GIMD1: variants seen among roughly 807,000 people sequenced by gnomAD.
GIMD1 encodes the protein GIMAP family P-loop NTPase domain containing 1.
In GIMD1, 14 loss-of-function variants were observed where a neutral mutation model predicts 14.9. That is an observed-to-expected ratio of 0.94 (90% confidence interval 0.62 to 1.47). The LOEUF is 1.47. Ranked by LOEUF, GIMD1 falls within the 40% of genes most tolerant of loss-of-function variation. The probability of loss-of-function intolerance (pLI) is 0.00; values close to 1 mark genes in which losing one functional copy is unlikely to be tolerated. For synonymous variants in GIMD1, 91 were observed against 90.5 expected (o/e 1.01, Z -0.03); for missense variants, 272 against 255.3 (o/e 1.07, Z -0.44).
Position 106,357,879 on chromosome 4 carries a change from T to A in GIMD1, c.*304A>T, listed in dbSNP as rs931406149. 1.0e-5 allele frequency: 2 copies of A among 198,648 alleles called. No individual in the cohort carries two copies. The highest frequency in any genetic ancestry group is 4.7e-5 in the African/African-American group (2 of 42,632). 12.3% of individuals were successfully genotyped at this position (198,648 alleles called of 1,614,324 possible). A position where few individuals can be genotyped will look rare whatever the true frequency, so the allele number is the denominator to read the frequency against. On this transcript the variant is annotated 3_prime_UTR_variant, in exon 3 of 3. Coordinates refer to ENST00000638719, the MANE Select transcript of GIMD1 (RefSeq NM_001195138.2). ...ATAGACATTTGAATAGTCTGTATGT[T>A]TAGCTTTTGAATAGTAGTTCCATGA...
intron 2 of GIMD1, 90 bp downstream of exon 2, chr4:106,366,953 A>AT: frequency 2.9e-6 from 1 of 350,570 alleles, no homozygotes; most frequent in Non-Finnish European, 4.5e-6. Flanking sequence ...GTATAATAAT[A>AT]ATAATATTAT....
intron 1 of GIMD1, 138 bp downstream of exon 1, chr4:106,368,572 C>G (rs1171739126): frequency 1.3e-5 from 5 of 391,670 alleles, no homozygotes; most frequent in African/African-American, 2.1e-5. Flanking sequence ...CCCTCCAGTT[C>G]ACACCAGCTC....
At position 106,367,078 on chromosome 4, in the gene GIMD1, C is replaced by A; in HGVS notation, c.358G>T (p.Gly120Trp). ...TGGACTGGGTCAGTTACTTCCTGCC[C>A]ACAGAAAGGCACATCTGCTCTCTGA... ...LVQRADVPFC[G>W]QEVTDPVQMI... The change falls in exon 2 of 3, where the codon GGG (glycine) becomes TGG (tryptophan). Residue 120 changes from glycine to tryptophan, a missense_variant. By Grantham distance (184) the Gly-to-Trp change is radical. Transcript: ENST00000638719. 1 of 1,533,026 alleles carries A rather than the reference C, an allele frequency of 6.5e-7. No individual in the cohort carries two copies. The highest frequency in any genetic ancestry group is 8.7e-7 in the Non-Finnish European group (1 of 1,145,376). The allele number at this position is 1,533,026 out of a possible 1,614,324, so 95.0% of individuals were successfully genotyped here.
At chr4:106,368,524 G>C (rs1180717446) in intron 1 of GIMD1, among the ~76,000 whole-genome samples, 186 bp downstream of exon 1, 1 of 152,124 alleles carries the variant, frequency 6.6e-6, no homozygotes, top group Non-Finnish European at 1.5e-5. Context: ...CCTTGAAGGA[G>C]CTTCATACCT....
At position 106,358,205 on chromosome 4, in the gene GIMD1, T is replaced by C; in HGVS notation, c.632A>G (p.Tyr211Cys). ...RIMEFIKENC[Y>C]QVLTFK ...ATTTTATTTAAATGTAAGAACTTGG[T>C]AACAGTTCTCTTTTATAAATTCCAT... The change falls in exon 3 of 3, where the codon TAC (tyrosine) becomes TGC (cysteine). Residue 211 changes from tyrosine to cysteine, a missense_variant. Transcript: ENST00000638719. 1 of 1,496,446 alleles carries C rather than the reference T, an allele frequency of 6.7e-7. No individual in the cohort carries two copies. Among genetic ancestry groups the C allele is most frequent in the Non-Finnish European group, 8.9e-7 (1 of 1,125,788 alleles). 92.7% of individuals were successfully genotyped at this position (1,496,446 alleles called of 1,614,324 possible).
intron 2 of GIMD1, among the ~76,000 whole-genome samples, chr4:106,364,269 G>A (rs1770660283): frequency 6.6e-6 from 1 of 152,138 alleles, no homozygotes; most frequent in African/African-American, 2.4e-5. Flanking sequence ...GAAAGAAGAA[G>A]CTACTTCTCT....
At chr4:106,359,923 T>C (rs961250579) in intron 2 of GIMD1, among the ~76,000 whole-genome samples, 1 of 151,940 alleles carries the variant, frequency 6.6e-6, no homozygotes, top group Non-Finnish European at 1.5e-5. Context: ...GATTCATTTA[T>C]TTATACATCA....
intron 2 of GIMD1, among the ~76,000 whole-genome samples, chr4:106,366,366 C>A (rs540240324): frequency 6.6e-6 from 1 of 152,250 alleles, no homozygotes; most frequent in East Asian, 1.9e-4. Flanking sequence ...ATCTAATTTT[C>A]CTCTTCTAGA....
At chr4:106,363,584 G>A (rs1158716745) in intron 2 of GIMD1, among the ~76,000 whole-genome samples, 1 of 152,032 alleles carries the variant, frequency 6.6e-6, no homozygotes, top group East Asian at 1.9e-4. Context: ...TAAATATAAT[G>A]CTCAGAACTC....
chr4:106,367,705 C>T (rs1184431101), intron 1 of GIMD1, among the ~76,000 whole-genome samples: 1 of 151,950 alleles, frequency 6.6e-6, no homozygotes, highest in African/African-American at 2.4e-5. Context: ...AGAAAAAATC[C>T]CAAATTACAT....
chr4:106,367,849 A>G (rs1770728216), intron 1 of GIMD1, among the ~76,000 whole-genome samples: 1 of 152,110 alleles, frequency 6.6e-6, no homozygotes, highest in South Asian at 2.1e-4. Context: ...GTTATTCACT[A>G]TTGGAGAAGT....
chr4:106,363,867 A>G (rs1011837719), intron 2 of GIMD1, among the ~76,000 whole-genome samples: 4 of 131,808 alleles, frequency 3.0e-5, no homozygotes, highest in African/African-American at 1.1e-4. Flanking sequence ...CGCAGTAATA[A>G]TACAGAATAC....
rs1770721954 is a variant in GIMD1 at position 106,367,441 on chromosome 4, T to C, written c.-2-4A>G. On this transcript the variant is annotated splice_region_variant and splice_polypyrimidine_tract_variant and intron_variant, in intron 1 of 2. Coordinates refer to ENST00000638719, the MANE Select transcript of GIMD1 (RefSeq NM_001195138.2). ...ATCTTGTTGGGGTCTGTCATGGCTGTAGGAAAACAAAGGCATAGCACGCAT... is the reference window on the plus strand; with the variant it reads ...ATCTTGTTGGGGTCTGTCATGGCTGCAGGAAAACAAAGGCATAGCACGCAT... 2 of 1,522,650 alleles carry C rather than the reference T, an allele frequency of 1.3e-6. No individual in the cohort carries two copies. The highest frequency in any genetic ancestry group is 2.4e-5 in the South Asian group (2 of 82,424). 94.3% of individuals were successfully genotyped at this position (1,522,650 alleles called of 1,614,324 possible).
At chr4:106,364,336 A>G (rs1263746004) in intron 2 of GIMD1, among the ~76,000 whole-genome samples, 2 of 152,152 alleles carry the variant, frequency 1.3e-5, no homozygotes, top group Non-Finnish European at 2.9e-5. Context: ...GAAAAGGGGT[A>G]AAAGAAAGAA....
At chr4:106,366,275 T>C (rs780305291) in intron 2 of GIMD1, among the ~76,000 whole-genome samples, 2 of 152,212 alleles carry the variant, frequency 1.3e-5, no homozygotes, top group Non-Finnish European at 2.9e-5. Flanking sequence ...GAATGCTCAC[T>C]ATGACTTAAG....
rs553287262 is a variant in GIMD1 at position 106,357,964 on chromosome 4, A to C, written c.*219T>G. 21 of 430,580 alleles carry C rather than the reference A, an allele frequency of 4.9e-5. No homozygotes were observed. The highest frequency in any genetic ancestry group is 4.2e-4 in the African/African-American group (21 of 50,032). 26.7% of individuals were successfully genotyped at this position (430,580 alleles called of 1,614,324 possible). A position where few individuals can be genotyped will look rare whatever the true frequency, so the allele number is the denominator to read the frequency against. ...ATGTACACATTTATGTTGGGTATAC[A>C]CTTAGGAGTGTAATTGCTATGTCAT... On this transcript the variant is annotated 3_prime_UTR_variant, in exon 3 of 3. Coordinates refer to ENST00000638719, the MANE Select transcript of GIMD1 (RefSeq NM_001195138.2).
At chr4:106,367,463 G>C (rs975565686) in intron 1 of GIMD1, 26 bp from the exon 2 acceptor site, 23 of 1,486,644 alleles carry the variant, frequency 1.5e-5, no homozygotes, top group Non-Finnish European at 2.1e-5. Flanking sequence ...GGCATAGCAC[G>C]CATAATTAGG....
chr4:106,366,287 C>A (rs1021301556), intron 2 of GIMD1, among the ~76,000 whole-genome samples: 1 of 152,106 alleles, frequency 6.6e-6, no homozygotes, highest in Non-Finnish European at 1.5e-5. Context: ...TGACTTAAGT[C>A]TTATGAAACC....
Position 106,357,980 on chromosome 4 carries a change from G to A in GIMD1, c.*203C>T. 2.2e-6 allele frequency: 1 copy of A among 461,958 alleles called. No homozygotes were observed. The highest frequency in any genetic ancestry group is 3.8e-6 in the Non-Finnish European group (1 of 260,064). The allele number at this position is 461,958 out of a possible 1,614,324, so 28.6% of individuals were successfully genotyped here. ...TGGGTATACACTTAGGAGTGTAATT[G>A]CTATGTCATGGGATTTGCATTAGAA... On this transcript the variant is annotated 3_prime_UTR_variant, in exon 3 of 3. Transcript: ENST00000638719.
Sources: allele counts gnomAD v4.1 joint callset (sites outside exome capture counted in the v4.1 genomes callset), GRCh38; gene constraint gnomAD v4.1.1; transcripts MANE v1.5; gene names NCBI Gene and HGNC (gene_info 2026-07-23, HGNC 2026-07-21).